Variants in PABPC4L observed in about 807,000 individuals in gnomAD.
PABPC4L encodes the protein poly(A) binding protein cytoplasmic 4 like, also known as polyadenylate-binding protein 4-like.
For synonymous variants in PABPC4L, 169 were observed against 164.1 expected, an observed-to-expected ratio of 1.03 and a Z score of -0.23; for missense variants, 452 against 451.4, an observed-to-expected ratio of 1.00 and a Z score of -0.01.
At chr4:134,129,738 T>G in the PABPC4L span, among the ~76,000 whole-genome samples, 3 of 151,738 alleles carry the variant, frequency 2.0e-5, no homozygotes, top group African/African-American at 7.3e-5. Flanking sequence ...GCAAAAGTGG[T>G]GCTAAGAGGA....
At chr4:133,997,461 T>C in the PABPC4L span, among the ~76,000 whole-genome samples, 1 of 151,820 alleles carries the variant, frequency 6.6e-6, no homozygotes, top group Admixed American at 6.6e-5. Context: ...CTGCAAATCA[T>C]GGATCAAGGA....
At chr4:134,019,354 T>G in the PABPC4L span, among the ~76,000 whole-genome samples, 2 of 152,188 alleles carry the variant, frequency 1.3e-5, no homozygotes, top group East Asian at 3.9e-4. Flanking sequence ...AGAAAATATT[T>G]TGATGCTTCT....
At chr4:134,078,238 A>C in the PABPC4L span, among the ~76,000 whole-genome samples, 1 of 152,168 alleles carries the variant, frequency 6.6e-6, no homozygotes, top group Non-Finnish European at 1.5e-5. Flanking sequence ...CTACTTTCCT[A>C]ATCAAGGCAT....
At chr4:134,181,935 G>A in the PABPC4L span, among the ~76,000 whole-genome samples, 1 of 150,964 alleles carries the variant, frequency 6.6e-6, no homozygotes, top group Non-Finnish European at 1.5e-5. Context: ...TTGTTAAAAT[G>A]CCCAAAGCAA....
the PABPC4L span, among the ~76,000 whole-genome samples, chr4:133,998,381 AAT>A: frequency 1.4e-4 from 21 of 152,098 alleles, no homozygotes; most frequent in Admixed American, 5.2e-4. Context: ...TTATCTCTAT[AAT>A]ACATCATGAA....
At chr4:134,054,367 A>C in the PABPC4L span, among the ~76,000 whole-genome samples, 1 of 149,818 alleles carries the variant, frequency 6.7e-6, no homozygotes, top group South Asian at 2.1e-4. Context: ...ATTCAGATGA[A>C]AATTTCAGTA....
At chr4:133,992,151 T>C in the PABPC4L span, among the ~76,000 whole-genome samples, 1 of 152,178 alleles carries the variant, frequency 6.6e-6, no homozygotes, top group Non-Finnish European at 1.5e-5. Context: ...GATGTGGCTA[T>C]GAAATTGTGA....
At chr4:134,162,261 T>C in the PABPC4L span, among the ~76,000 whole-genome samples, 5 of 152,076 alleles carry the variant, frequency 3.3e-5, no homozygotes, top group African/African-American at 1.2e-4. Context: ...GCCACAATAG[T>C]AAAACCAAAC....
At chr4:134,076,771 A>G in the PABPC4L span, among the ~76,000 whole-genome samples, 1 of 152,118 alleles carries the variant, frequency 6.6e-6, no homozygotes. Flanking sequence ...ATATATAGAC[A>G]TACCCATATA....
chr4:134,138,088 G>A, the PABPC4L span, among the ~76,000 whole-genome samples: 1 of 151,568 alleles, frequency 6.6e-6, no homozygotes, highest in South Asian at 2.1e-4. Context: ...GATTTAAAAT[G>A]TTTTATGAAA....
the PABPC4L span, among the ~76,000 whole-genome samples, chr4:134,147,991 A>C: frequency 0.016 from 2,446 of 152,174 alleles, 35 homozygotes; most frequent in Middle Eastern, 0.041. Context: ...CTTGAGAGGC[A>C]CAGGAGCTGG....
the PABPC4L span, among the ~76,000 whole-genome samples, chr4:134,074,449 C>T: frequency 1.3e-5 from 2 of 152,144 alleles, no homozygotes; most frequent in Non-Finnish European, 2.9e-5. Flanking sequence ...CTTCTGAGCC[C>T]TCCAAGTCTC....
chr4:133,979,632 C>T, the PABPC4L span, among the ~76,000 whole-genome samples: 3 of 152,094 alleles, frequency 2.0e-5, no homozygotes, highest in African/African-American at 7.2e-5. Context: ...TTTAAGCATA[C>T]AACAGGTCCT....
the PABPC4L span, among the ~76,000 whole-genome samples, chr4:134,002,976 T>G: frequency 1.3e-5 from 2 of 151,970 alleles, no homozygotes; most frequent in Admixed American, 1.3e-4. Context: ...GAAAAAAGAC[T>G]ATAAAAGTTC....
At chr4:134,010,763 G>C in the PABPC4L span, 1 of 152,056 alleles carries the variant, frequency 6.6e-6, no homozygotes, top group South Asian at 2.1e-4. Flanking sequence ...CAGTCCTTTG[G>C]CCAAATCATA....
At chr4:134,149,455 T>C in the PABPC4L span, among the ~76,000 whole-genome samples, 2 of 152,182 alleles carry the variant, frequency 1.3e-5, no homozygotes, top group South Asian at 4.1e-4. Context: ...TCTGTGATTA[T>C]GCTATCGGTT....
chr4:134,106,919 T>C, the PABPC4L span, among the ~76,000 whole-genome samples: 1 of 151,448 alleles, frequency 6.6e-6, no homozygotes, highest in Non-Finnish European at 1.5e-5. Context: ...CCTATTTATA[T>C]CATGAGCATA....
the PABPC4L span, among the ~76,000 whole-genome samples, chr4:134,038,400 C>T: frequency 2.0e-5 from 3 of 152,138 alleles, no homozygotes; most frequent in Non-Finnish European, 4.4e-5. Flanking sequence ...AGGAATGGCA[C>T]CAGCTCCTCT....
chr4:134,040,627 A>G, the PABPC4L span, among the ~76,000 whole-genome samples: 1 of 152,208 alleles, frequency 6.6e-6, no homozygotes, highest in African/African-American at 2.4e-5. Context: ...AAAACCCTAG[A>G]AGAAAACCTA....
Sources: allele counts gnomAD v4.1 joint callset (sites outside exome capture counted in the v4.1 genomes callset), GRCh38; gene constraint gnomAD v4.1.1; transcripts MANE v1.5; gene names NCBI Gene and HGNC (gene_info 2026-07-23, HGNC 2026-07-21).